The following OPCML variants were observed in gnomAD, a reference collection of about 807,000 sequenced individuals.
OPCML encodes the protein opioid binding protein/cell adhesion molecule like.
Under a neutral mutation model 37.8 loss-of-function variants are expected in OPCML, and 13 were observed. The observed-to-expected ratio is 0.34, with a 90% CI of 0.22 to 0.55. The LOEUF (loss-of-function observed/expected upper bound fraction) is 0.55. OPCML is among the 20% of genes least tolerant of loss of function. The pLI, the probability that OPCML is intolerant of heterozygous loss-of-function variation, is 0.91. For synonymous variants in OPCML, 176 were observed against 168.8 expected (o/e 1.04, Z -0.33); for missense variants, 341 against 435.6 (o/e 0.78, Z 1.93).
chr11:133,321,078 T>G (rs1943318651), intron 1 of OPCML, among the ~76,000 whole-genome samples: 1 of 152,112 alleles, frequency 6.6e-6, no homozygotes, highest in Non-Finnish European at 1.5e-5. Context: ...GGCATGTATC[T>G]GAAGACTGGT....
chr11:132,906,659 T>C (rs576345773), intron 2 of OPCML, among the ~76,000 whole-genome samples: 3 of 152,084 alleles, frequency 2.0e-5, no homozygotes, highest in African/African-American at 7.2e-5. Flanking sequence ...TGTCAGCGAG[T>C]GTACAGGAAA....
At chr11:132,976,439 C>G (rs1326582746) in intron 1 of OPCML, among the ~76,000 whole-genome samples, 1 of 152,204 alleles carries the variant, frequency 6.6e-6, no homozygotes, top group Admixed American at 6.5e-5. Context: ...TTATGAATCT[C>G]TAACAGTTGA....
chr11:132,745,728 G>A (rs1017534067), intron 2 of OPCML, among the ~76,000 whole-genome samples: 1 of 152,114 alleles, frequency 6.6e-6, no homozygotes. Flanking sequence ...TTGAATGTGT[G>A]AGCGCAGTGT....
chr11:132,726,652 C>G (rs764777539), intron 2 of OPCML, among the ~76,000 whole-genome samples: 1 of 151,906 alleles, frequency 6.6e-6, no homozygotes, highest in Non-Finnish European at 1.5e-5. Flanking sequence ...GAGCGGGCAG[C>G]GTAAGTGTGT....
At chr11:133,146,680 T>A (rs904575907) in intron 1 of OPCML, among the ~76,000 whole-genome samples, 2 of 152,036 alleles carry the variant, frequency 1.3e-5, no homozygotes, top group African/African-American at 4.8e-5. Flanking sequence ...GGCTGGGTCT[T>A]GAACTCCTGA....
chr11:132,855,309 A>T (rs1942012744), intron 2 of OPCML, among the ~76,000 whole-genome samples: 1 of 152,144 alleles, frequency 6.6e-6, no homozygotes, highest in Admixed American at 6.5e-5. Context: ...TTCATCCCCA[A>T]CCAATCAGCA....
chr11:132,666,711 A>G (rs966057758), intron 2 of OPCML, among the ~76,000 whole-genome samples: 6 of 152,214 alleles, frequency 3.9e-5, no homozygotes, highest in African/African-American at 1.2e-4. Context: ...GATAGAAGGC[A>G]GGGCAGCCAT....
At chr11:132,824,030 T>C (rs1327882056) in intron 2 of OPCML, among the ~76,000 whole-genome samples, 1 of 152,192 alleles carries the variant, frequency 6.6e-6, no homozygotes, top group Non-Finnish European at 1.5e-5. Flanking sequence ...ATCCTGAAAC[T>C]CTTTCCTACC....
chr11:132,507,598 AT>A (rs201000033), intron 4 of OPCML, among the ~76,000 whole-genome samples: 10 of 149,794 alleles, frequency 6.7e-5, no homozygotes, highest in African/African-American at 2.5e-4. Flanking sequence ...AACAACAAAA[AT>A]TTTTTTTAAA....
Position 132,841,935 on chromosome 11 carries a change from T to C in OPCML, c.146+100991A>G, listed in dbSNP as rs183694072. 2.3e-3 allele frequency among the ~76,000 whole-genome samples: 332 copies of C among 145,118 alleles called. 1 individual carries two copies. The highest frequency in any genetic ancestry group is 8.1e-3 in the Middle Eastern group (2 of 246). On this transcript the variant is annotated intron_variant, in intron 2 of 7. Coordinates refer to ENST00000524381, the MANE Select transcript of OPCML (RefSeq NM_001012393.5). Reference sequence around the variant, plus strand: ...AATAGTTTCAACAAAGGACAAGATATGGTCTTAGTTAGACCCAGGTCAATC... The same window carrying C: ...AATAGTTTCAACAAAGGACAAGATACGGTCTTAGTTAGACCCAGGTCAATC...
At position 133,102,037 on chromosome 11, in the gene OPCML, A is replaced by C. The variant is rs78375740; in HGVS notation, c.62-159027T>G. Among the ~76,000 whole-genome samples, 1,093 of 152,330 alleles carry C rather than the reference A, an allele frequency of 7.2e-3. 10 individuals are homozygous for C. Among genetic ancestry groups the C allele is most frequent in the African/African-American group, 0.025 (1,050 of 41,564 alleles). On this transcript the variant is annotated intron_variant, in intron 1 of 7. Coordinates refer to ENST00000524381, the MANE Select transcript of OPCML (RefSeq NM_001012393.5). Reference sequence around the variant, plus strand: ...GGCAAAACTTTGGAGGCAGTAAGAAAATTAGTGGTTTCCAAGTGTTAGGAG... The same window carrying C: ...GGCAAAACTTTGGAGGCAGTAAGAACATTAGTGGTTTCCAAGTGTTAGGAG...
intron 1 of OPCML, among the ~76,000 whole-genome samples, chr11:133,428,649 A>G (rs1946055966): frequency 6.6e-6 from 1 of 152,226 alleles, no homozygotes; most frequent in South Asian, 2.1e-4. Flanking sequence ...GAACTATAGA[A>G]AATATACAAT....
At chr11:132,899,592 T>C (rs765355645) in intron 2 of OPCML, among the ~76,000 whole-genome samples, 2 of 152,160 alleles carry the variant, frequency 1.3e-5, no homozygotes, top group African/African-American at 2.4e-5. Context: ...AGGTGCCAAG[T>C]TGACAAAGGT....
intron 2 of OPCML, among the ~76,000 whole-genome samples, chr11:132,849,314 G>A (rs1941691805): frequency 2.0e-5 from 3 of 152,142 alleles, no homozygotes; most frequent in Admixed American, 2.0e-4. Flanking sequence ...ATCATATAAA[G>A]ACACCAATTG....
intron 1 of OPCML, among the ~76,000 whole-genome samples, chr11:132,988,944 C>T (rs986275702): frequency 6.6e-5 from 10 of 152,134 alleles, no homozygotes; most frequent in African/African-American, 2.4e-4. Flanking sequence ...GGAGGAAACA[C>T]ATAGGAAGAA....
intron 1 of OPCML, among the ~76,000 whole-genome samples, chr11:133,196,575 C>T (rs1044234458): frequency 6.6e-6 from 1 of 152,136 alleles, no homozygotes; most frequent in Non-Finnish European, 1.5e-5. Flanking sequence ...AAATACTTTG[C>T]CCCTTAATAG....
At chr11:133,293,851 G>A (rs989849097) in intron 1 of OPCML, among the ~76,000 whole-genome samples, 6 of 147,974 alleles carry the variant, frequency 4.1e-5, no homozygotes, top group African/African-American at 1.5e-4. Flanking sequence ...TGCTCTCTTT[G>A]AGCATATTAC....
At chr11:132,930,667 G>A (rs569092829) in intron 2 of OPCML, among the ~76,000 whole-genome samples, 14 of 152,182 alleles carry the variant, frequency 9.2e-5, no homozygotes, top group South Asian at 6.2e-4. Flanking sequence ...GGTGAAAGTC[G>A]TATGTACACT....
intron 3 of OPCML, among the ~76,000 whole-genome samples, chr11:132,568,269 CATGTT>C (rs1280462023): frequency 6.6e-6 from 1 of 152,010 alleles, no homozygotes; most frequent in African/African-American, 2.4e-5. Context: ...TGTTTACTGT[CATGTT>C]ATTAATAGAA....
Sources: gnomAD v4.1 joint callset for allele counts (sites outside exome capture counted in the v4.1 genomes callset) on GRCh38, gnomAD v4.1.1 for gene constraint, MANE v1.5 for transcripts, NCBI Gene and HGNC (gene_info 2026-07-23, HGNC 2026-07-21) for gene names.